PACSIN2: variants seen among roughly 807,000 people sequenced by gnomAD.
PACSIN2 encodes protein kinase C and casein kinase substrate in neurons protein 2.
In PACSIN2, 25 loss-of-function variants were observed where a neutral mutation model predicts 63.8. That is an observed-to-expected ratio of 0.39 (90% CI 0.29 to 0.55). PACSIN2 has a LOEUF of 0.55. Among genes scored for constraint, PACSIN2 ranks in the 20% least tolerant of loss-of-function variants. PACSIN2 has a pLI of 0.62. For missense variants in PACSIN2, 518 were observed against 646.9 expected (o/e 0.80, Z 2.16); for synonymous variants, 255 against 256.2 (o/e 1.00, Z 0.05).
chr22:42,912,865 T>C (rs1481523662), intron 1 of PACSIN2, among the ~76,000 whole-genome samples: 1 of 152,168 alleles, frequency 6.6e-6, no homozygotes, highest in Admixed American at 6.5e-5. Flanking sequence ...TGTGTTCAGA[T>C]CACACAGCCA....
intron 1 of PACSIN2, among the ~76,000 whole-genome samples, chr22:42,932,356 T>C (rs1932797548): frequency 6.6e-6 from 1 of 152,234 alleles, no homozygotes; most frequent in Non-Finnish European, 1.5e-5. Flanking sequence ...GCCTGTTACC[T>C]TCTAACTCTT....
chr22:42,963,891 C>T (rs1345056212), intron 1 of PACSIN2, among the ~76,000 whole-genome samples: 1 of 150,260 alleles, frequency 6.7e-6, no homozygotes, highest in Non-Finnish European at 1.5e-5. Context: ...CGCTCTAATA[C>T]TATACTGCCT....
At chr22:42,906,679 G>A (rs1931096218) in intron 2 of PACSIN2, among the ~76,000 whole-genome samples, 1 of 152,146 alleles carries the variant, frequency 6.6e-6, no homozygotes. Flanking sequence ...GAAAAAGGTA[G>A]GTATACAGTG....
At chr22:42,917,397 A>G (rs1931882239) in intron 1 of PACSIN2, among the ~76,000 whole-genome samples, 1 of 152,194 alleles carries the variant, frequency 6.6e-6, no homozygotes, top group South Asian at 2.1e-4. Context: ...GCCTAAGCCC[A>G]GGAGCTCAAG....
At chr22:42,956,368 G>A (rs567630570) in intron 1 of PACSIN2, among the ~76,000 whole-genome samples, 10 of 152,218 alleles carry the variant, frequency 6.6e-5, no homozygotes, top group South Asian at 4.1e-4. Context: ...TGGAGGAGAC[G>A]TCAGGTAGAC....
intron 1 of PACSIN2, among the ~76,000 whole-genome samples, chr22:42,940,300 G>A (rs760130756): frequency 1.3e-5 from 2 of 152,190 alleles, no homozygotes; most frequent in Non-Finnish European, 2.9e-5. Flanking sequence ...GGAAAGAAAT[G>A]TAGTGCAGAG....
chr22:42,889,205 G>A (rs975298031), intron 4 of PACSIN2, among the ~76,000 whole-genome samples: 10 of 151,856 alleles, frequency 6.6e-5, no homozygotes, highest in African/African-American at 1.7e-4. Flanking sequence ...CATGGAGCAC[G>A]CACATGGAAC....
chr22:42,883,871 G>A lies in PACSIN2; in HGVS notation c.785+515C>T, dbSNP rs557040151. The stretch of plus-strand genomic sequence containing the variant: ...ATACAGAAATTAGCTGGGTGTGGTG[G>A]CGCATGCCTGTAATCCCAGCTACTC... On this transcript the variant is annotated intron_variant, in intron 6 of 10. Coordinates refer to ENST00000263246, the MANE Select transcript of PACSIN2 (RefSeq NM_001184970.3). Among the ~76,000 whole-genome samples the A allele has an allele frequency of 1.2e-4, 19 of 152,332 alleles. No individual in the cohort carries two copies. The East Asian group carries it at 3.7e-3, about 29-fold the overall frequency.
chr22:42,972,433 C>A (rs995530681), intron 1 of PACSIN2, among the ~76,000 whole-genome samples: 21 of 152,300 alleles, frequency 1.4e-4, no homozygotes, highest in African/African-American at 5.1e-4. Flanking sequence ...TATCTGCTGA[C>A]CTTCCCTCCA....
rs777771672 is a variant in PACSIN2, at chr22:42,890,984, C to T, written c.416G>A (p.Arg139Gln). ...CTTGGCCCAGGGCTTCTGTGCCTTC[C>T]GAAAGCCGTCCTCAGCTTCCTTGGT... The part of the protein sequence containing the change: ...KETKEAEDGF[R>Q]KAQKPWAKKL... Residue 139 changes from arginine (R) to glutamine (Q), a missense_variant, in exon 4 of 11, where the codon CGG (arginine) becomes CAG (glutamine). This residue lies in a region of PACSIN2 where 507 missense variants were observed against 612.3 expected (regional missense o/e 0.83). Transcript: ENST00000263246. 1.9e-6 allele frequency: 3 copies of T among 1,614,010 alleles called. No individual in the cohort carries two copies. The highest frequency in any genetic ancestry group is 1.7e-5 in the Admixed American group (1 of 60,002).
chr22:42,926,200 A>C (rs561150566), intron 1 of PACSIN2, among the ~76,000 whole-genome samples: 3 of 152,338 alleles, frequency 2.0e-5, no homozygotes, highest in Non-Finnish European at 4.4e-5. Flanking sequence ...GGTGTAGTAC[A>C]TTTGATTCAA....
chr22:42,982,869 T>TTAAAAAAAAAAAAA (rs1922285238), intron 1 of PACSIN2, among the ~76,000 whole-genome samples: 1 of 44,010 alleles, frequency 2.3e-5, no homozygotes, highest in African/African-American at 6.8e-5. Flanking sequence ...GAATGATCAA[T>TTAAAAAAAAAAAAA]AAAAAAAAAA....
intron 1 of PACSIN2, among the ~76,000 whole-genome samples, chr22:42,926,876 G>T (rs1052373926): frequency 5.3e-5 from 8 of 152,008 alleles, no homozygotes; most frequent in African/African-American, 1.9e-4. Context: ...GGAGGTTAAG[G>T]AAAAACAAAC....
chr22:42,965,873 A>G (rs956921445), intron 1 of PACSIN2, among the ~76,000 whole-genome samples: 19 of 152,192 alleles, frequency 1.2e-4, no homozygotes, highest in Non-Finnish European at 7.3e-5. Context: ...TCTCTCTTCA[A>G]ATAAGTAAAT....
rs145460862 is a variant in PACSIN2 at position 42,951,281 on chromosome 22, G to A, written c.-77-39124C>T. ...TATTAACTGCATTCTCTCTAGACAA[G>A]TAATTCCGGACAGTCCTGCAAAGCA... On this transcript the variant is annotated intron_variant, in intron 1 of 10. Coordinates refer to ENST00000263246, the MANE Select transcript of PACSIN2 (RefSeq NM_001184970.3). Among the ~76,000 whole-genome samples, 416 of 152,282 alleles carry A rather than the reference G, an allele frequency of 2.7e-3. 3 individuals carry two copies. Among genetic ancestry groups the A allele is most frequent in the African/African-American group, 9.7e-3 (404 of 41,544 alleles).
chr22:42,998,622 T>C (rs1457892646), intron 1 of PACSIN2, among the ~76,000 whole-genome samples: 1 of 152,262 alleles, frequency 6.6e-6, no homozygotes, highest in Non-Finnish European at 1.5e-5. Context: ...TGGTATTTTG[T>C]TAATCATAAT....
intron 1 of PACSIN2, among the ~76,000 whole-genome samples, chr22:42,987,976 A>G (rs563310758): frequency 6.6e-6 from 1 of 152,166 alleles, no homozygotes; most frequent in East Asian, 2.0e-4. Context: ...CCCCGTCTCT[A>G]CTAAAGATAC....
chr22:42,928,136 A>G (rs1051919746), intron 1 of PACSIN2, among the ~76,000 whole-genome samples: 1 of 152,238 alleles, frequency 6.6e-6, no homozygotes, highest in African/African-American at 2.4e-5. Flanking sequence ...GACATCCTCA[A>G]TCTACACTTA....
intron 6 of PACSIN2, 68 bp from the exon 7 acceptor site, chr22:42,882,372 C>A: frequency 6.5e-7 from 1 of 1,529,384 alleles, no homozygotes; most frequent in Admixed American, 1.9e-5. Context: ...CAGCCCAGTG[C>A]CAGCCACAGC....
Sources: allele counts gnomAD v4.1 joint callset (sites outside exome capture counted in the v4.1 genomes callset), GRCh38; gene constraint gnomAD v4.1.1; regional missense constraint gnomAD v4.1.1; transcripts MANE v1.5; gene names NCBI Gene and HGNC (gene_info 2026-07-23, HGNC 2026-07-21).